The following PPP1R12B variants were observed in gnomAD, a reference collection of about 807,000 sequenced individuals.
PPP1R12B encodes protein phosphatase 1 regulatory subunit 12B.
PPP1R12B carries 76 observed loss-of-function variants against 126.1 expected under a neutral mutation model. The ratio of observed to expected loss-of-function variants is 0.60; its 90% CI spans 0.50 to 0.73. PPP1R12B has a LOEUF of 0.73. Ranked by LOEUF, PPP1R12B falls within the 30% of genes least tolerant of loss-of-function variation. PPP1R12B has a pLI of 0.00. For missense variants in PPP1R12B, 1,052 were observed against 1,205.1 expected (o/e 0.87, Z 1.88); for synonymous variants, 356 against 434.7 (o/e 0.82, Z 2.25).
intron 3 of PPP1R12B, among the ~76,000 whole-genome samples, chr1:202,424,272 CCAT>C (rs1669202250): frequency 6.6e-6 from 1 of 151,818 alleles, no homozygotes; most frequent in Admixed American, 6.6e-5. Flanking sequence ...CCTCTTCACC[CCAT>C]CCATCTCCCA....
At chr1:202,424,390 C>T (rs1669230439) in intron 3 of PPP1R12B, among the ~76,000 whole-genome samples, 1 of 151,476 alleles carries the variant, frequency 6.6e-6, no homozygotes, top group Non-Finnish European at 1.5e-5. Context: ...GTGGCGCAAT[C>T]CCAGCTCATT....
chr1:202,404,687 G>C (rs570393510), intron 1 of PPP1R12B, among the ~76,000 whole-genome samples: 1 of 152,118 alleles, frequency 6.6e-6, no homozygotes, highest in East Asian at 1.9e-4. Flanking sequence ...TTTTTTAGTA[G>C]AGACGGGGTT....
At chr1:202,449,514 G>A (rs1672670603) in intron 13 of PPP1R12B, among the ~76,000 whole-genome samples, 1 of 151,770 alleles carries the variant, frequency 6.6e-6, no homozygotes, top group Non-Finnish European at 1.5e-5. Flanking sequence ...CTGACCTCAT[G>A]ATCTATCCAC....
chr1:202,549,148 A>G (rs1476348499), intron 18 of PPP1R12B, among the ~76,000 whole-genome samples: 2 of 152,178 alleles, frequency 1.3e-5, no homozygotes, highest in Non-Finnish European at 2.9e-5. Context: ...TCTGAACTTC[A>G]TCTTTCAAGG....
intron 1 of PPP1R12B, among the ~76,000 whole-genome samples, chr1:202,394,898 A>T (rs1664720194): frequency 6.6e-6 from 1 of 152,126 alleles, no homozygotes. Flanking sequence ...TGGGCAGATC[A>T]CCTGAGGTCA....
intron 1 of PPP1R12B, among the ~76,000 whole-genome samples, chr1:202,383,534 G>A (rs978283354): frequency 2.2e-4 from 33 of 152,166 alleles, no homozygotes; most frequent in African/African-American, 7.0e-4. Flanking sequence ...GACCAGCCTG[G>A]CCAACATGGC....
rs916063479 is a variant in PPP1R12B, at chr1:202,588,855, A to ATAGAT, written c.*8296_*8300dup. 4 of 145,418 alleles carry ATAGAT rather than the reference A, an allele frequency of 2.8e-5. No individual in the cohort carries two copies. The highest frequency in any genetic ancestry group is 5.9e-5 in the Non-Finnish European group (4 of 67,568). 9.0% of individuals were successfully genotyped at this position (145,418 alleles called of 1,614,324 possible). A position where few individuals can be genotyped will look rare whatever the true frequency, so the allele number is the denominator to read the frequency against. On this transcript the variant is annotated 3_prime_UTR_variant, in exon 24 of 24. Coordinates refer to ENST00000608999, the MANE Select transcript of PPP1R12B (RefSeq NM_002481.4). ...GATAGATAGATAGATAGATAGATAG[A>ATAGAT]TAGATAGATAGATAGATATCAAGGT...
intron 18 of PPP1R12B, among the ~76,000 whole-genome samples, chr1:202,516,446 A>G (rs1682157305): frequency 6.6e-6 from 1 of 152,206 alleles, no homozygotes; most frequent in South Asian, 2.1e-4. Flanking sequence ...TTTGCCAGTA[A>G]GGAGATGTTG....
At chr1:202,428,717 G>C in intron 5 of PPP1R12B, 138 bp from the exon 6 acceptor site, 1 of 681,206 alleles carries the variant, frequency 1.5e-6, no homozygotes, top group Non-Finnish European at 2.5e-6. Context: ...TTATCATAAT[G>C]TATGGTAGAT....
intron 13 of PPP1R12B, among the ~76,000 whole-genome samples, chr1:202,453,607 G>A (rs1286577137): frequency 6.6e-6 from 1 of 151,768 alleles, no homozygotes; most frequent in Non-Finnish European, 1.5e-5. Flanking sequence ...AAGTATAAAA[G>A]ATACAATACA....
chr1:202,543,785 T>C (rs1685365529), intron 18 of PPP1R12B, among the ~76,000 whole-genome samples: 1 of 152,054 alleles, frequency 6.6e-6, no homozygotes, highest in South Asian at 2.1e-4. Context: ...CTAGAGAAAA[T>C]TTCATCCATC....
At chr1:202,468,228 A>G (rs929713991) in intron 13 of PPP1R12B, among the ~76,000 whole-genome samples, 7 of 152,198 alleles carry the variant, frequency 4.6e-5, no homozygotes, top group African/African-American at 1.7e-4. Context: ...CTTTAGTTTA[A>G]TTAGATCCCA....
At chr1:202,428,010 C>G (rs1188455362) in intron 5 of PPP1R12B, among the ~76,000 whole-genome samples, 1 of 144,850 alleles carries the variant, frequency 6.9e-6, no homozygotes, top group Non-Finnish European at 1.5e-5. Context: ...GGGGGTCTCA[C>G]TGGTTTCCCA....
chr1:202,388,028 A>G (rs1490806750), intron 1 of PPP1R12B, among the ~76,000 whole-genome samples: 3 of 152,046 alleles, frequency 2.0e-5, no homozygotes, highest in African/African-American at 7.2e-5. Context: ...ATTTGAATCA[A>G]TACAAAATAG....
chr1:202,348,778 G>A lies in PPP1R12B; in HGVS notation c.-74G>A. The A allele has an allele frequency of 2.0e-6, 3 of 1,503,558 alleles. No homozygotes were observed. The highest frequency in any genetic ancestry group is 2.7e-6 in the Non-Finnish European group (3 of 1,128,682). The allele number at this position is 1,503,558 out of a possible 1,614,324, so 93.1% of individuals were successfully genotyped here. A position where few individuals can be genotyped will look rare whatever the true frequency, so the allele number is the denominator to read the frequency against. On this transcript the variant is annotated 5_prime_UTR_variant, in exon 1 of 24. Coordinates refer to ENST00000608999, the MANE Select transcript of PPP1R12B (RefSeq NM_002481.4). ...TCCGGGCTGAAGCGCTCTGAGAGAG[G>A]CGGCAGCGGCAACTCGAGCCCCAAC...
intron 18 of PPP1R12B, among the ~76,000 whole-genome samples, chr1:202,498,135 G>A (rs560919149): frequency 2.4e-3 from 360 of 152,274 alleles, no homozygotes; most frequent in Non-Finnish European, 4.0e-3. Flanking sequence ...AGCCTAGAGG[G>A]TACCAAGTAA....
At position 202,471,936 on chromosome 1, in the gene PPP1R12B, G is replaced by A. The variant is rs905099763; in HGVS notation, c.1851-16597G>A. The A allele has an allele frequency of 2.6e-5, 42 of 1,596,798 alleles. No homozygotes were observed. The African/African-American group carries it at 4.9e-4, about 19-fold the overall frequency. On this transcript the variant is annotated intron_variant, in intron 13 of 23. Transcript: ENST00000608999. ...TCCTCCCGTAGGCTGGCAGAGGACA[G>A]TGGAGCAGCCAACACACAAAACTAC... is the stretch of plus-strand genomic sequence containing the variant.
chr1:202,520,570 A>G (rs927665067), intron 18 of PPP1R12B, among the ~76,000 whole-genome samples: 9 of 152,200 alleles, frequency 5.9e-5, no homozygotes, highest in Non-Finnish European at 1.5e-5. Flanking sequence ...TAGTACATCT[A>G]TTATTTATTT....
intron 22 of PPP1R12B, 115 bp from the exon 23 acceptor site, chr1:202,569,032 A>C (rs1558386540): frequency 8.9e-7 from 1 of 1,123,730 alleles, no homozygotes; most frequent in Non-Finnish European, 1.3e-6. Context: ...GGTTTGCCTG[A>C]GTCAGCAGAC....
Sources: gnomAD v4.1 joint callset for allele counts (sites outside exome capture counted in the v4.1 genomes callset) on GRCh38, gnomAD v4.1.1 for gene constraint, MANE v1.5 for transcripts, NCBI Gene and HGNC (gene_info 2026-07-23, HGNC 2026-07-21) for gene names.